Variants in DPP6 observed in about 807,000 individuals in gnomAD.
DPP6 encodes dipeptidyl peptidase like 6.
Under a neutral mutation model 122.6 loss-of-function variants are expected in DPP6, and 69 were observed. That is an observed-to-expected ratio of 0.56 (90% CI 0.46 to 0.69). DPP6 has a LOEUF of 0.69. Ranked by LOEUF, DPP6 falls within the 30% of genes least tolerant of loss-of-function variation. The pLI, the probability that DPP6 is intolerant of heterozygous loss-of-function variation, is 0.00. For synonymous variants in DPP6, 418 were observed against 433.1 expected, an observed-to-expected ratio of 0.97 and a Z score of 0.43; for missense variants, 928 against 1,116.9, an observed-to-expected ratio of 0.83 and a Z score of 2.41.
intron 3 of DPP6, among the ~76,000 whole-genome samples, chr7:154,488,810 TATC>T (rs1283174752): frequency 1.3e-5 from 2 of 152,154 alleles, no homozygotes; most frequent in Admixed American, 6.5e-5. Flanking sequence ...TGGGGTGTGA[TATC>T]ATCCTGGTCT....
intron 6 of DPP6, among the ~76,000 whole-genome samples, chr7:154,648,952 T>A (rs1247492419): frequency 1.3e-5 from 2 of 151,416 alleles, no homozygotes; most frequent in Non-Finnish European, 2.9e-5. Flanking sequence ...TTTAAAGGCA[T>A]CGTTTAGTAA....
chr7:154,257,644 C>A (rs1214649005), intron 1 of DPP6, among the ~76,000 whole-genome samples: 1 of 152,156 alleles, frequency 6.6e-6, no homozygotes, highest in African/African-American at 2.4e-5. Flanking sequence ...TTGCAGTGAG[C>A]CAAGATGGCG....
Position 154,547,863 on chromosome 7 carries a change from T to C in DPP6, c.552+7237T>C, listed in dbSNP as rs1473499434. ...CAAGATAGAACAGAAAACAAGTATA[T>C]TTTACTTACTTTTATTCTAACTTTT... On this transcript the variant is annotated intron_variant, in intron 4 of 25. Transcript: ENST00000377770. 3.3e-5 allele frequency among the ~76,000 whole-genome samples: 5 copies of C among 152,276 alleles called. No homozygotes were observed. In the East Asian group the frequency reaches 7.7e-4, roughly 24 times the overall value.
chr7:153,976,213 G>A (rs1035136842), intron 1 of DPP6, among the ~76,000 whole-genome samples: 7 of 152,082 alleles, frequency 4.6e-5, no homozygotes, highest in African/African-American at 1.7e-4. Flanking sequence ...AAGAAGCCAG[G>A]ATCCCCAGAG....
chr7:154,731,514 G>A (rs1230111271), intron 8 of DPP6, among the ~76,000 whole-genome samples: 3 of 152,156 alleles, frequency 2.0e-5, no homozygotes, highest in African/African-American at 7.2e-5. Flanking sequence ...TGAAGCAGTC[G>A]CCCACATGCC....
At chr7:154,690,552 G>T (rs576007162) in intron 7 of DPP6, among the ~76,000 whole-genome samples, 2 of 152,268 alleles carry the variant, frequency 1.3e-5, no homozygotes, top group Non-Finnish European at 2.9e-5. Context: ...TCCACACAGA[G>T]TGCTCTCAGC....
intron 1 of DPP6, among the ~76,000 whole-genome samples, chr7:154,085,572 T>C (rs1441169530): frequency 2.0e-5 from 3 of 152,180 alleles, no homozygotes; most frequent in African/African-American, 7.2e-5. Context: ...TCTGGAACTG[T>C]GATGTTGTTT....
At chr7:154,801,501 G>A (rs1798364120) in intron 13 of DPP6, 39 bp downstream of exon 13, 1 of 1,533,724 alleles carries the variant, frequency 6.5e-7, no homozygotes. Context: ...CTAGAAACTG[G>A]CCTGCTAGAG....
intron 1 of DPP6, among the ~76,000 whole-genome samples, chr7:154,193,371 T>C (rs1210344507): frequency 1.3e-5 from 2 of 152,218 alleles, no homozygotes; most frequent in Non-Finnish European, 2.9e-5. Context: ...CTTATACTCA[T>C]ATTTTTGAGG....
At chr7:154,051,391 G>GC (rs1282665406), upstream of DPP6, among the ~76,000 whole-genome samples, 1 of 149,682 alleles carries the variant, frequency 6.7e-6, no homozygotes, top group Non-Finnish European at 1.5e-5. Flanking sequence ...CGCGTGCCCA[G>GC]CAACTCCAGA....
chr7:154,580,565 C>T (rs1441619545), intron 5 of DPP6, among the ~76,000 whole-genome samples: 1 of 152,104 alleles, frequency 6.6e-6, no homozygotes, highest in Non-Finnish European at 1.5e-5. Flanking sequence ...AGTCTGCCCC[C>T]GTGAGTCTTC....
chr7:153,990,967 G>A (rs1797148238), intron 1 of DPP6, among the ~76,000 whole-genome samples: 7 of 152,240 alleles, frequency 4.6e-5, no homozygotes, highest in Admixed American at 3.9e-4. Flanking sequence ...CCACAAAAAT[G>A]TGAGGATACA....
chr7:154,141,386 AG>A (rs1212163456), intron 1 of DPP6, among the ~76,000 whole-genome samples: 6 of 152,144 alleles, frequency 3.9e-5, no homozygotes, highest in African/African-American at 1.4e-4. Context: ...GAGGCAGTGA[AG>A]GGGATGCCTT....
intron 16 of DPP6, among the ~76,000 whole-genome samples, chr7:154,831,189 A>G (rs1045129981): frequency 2.6e-5 from 4 of 152,180 alleles, no homozygotes; most frequent in Admixed American, 2.6e-4. Context: ...CCAATCCACG[A>G]CCAGTCGTCC....
rs1046875393 is a variant in DPP6 at position 153,935,249 on chromosome 7, G to T, written c.51+47515G>T. On this transcript the variant is annotated intron_variant, in intron 1 of 25. Transcript: ENST00000404039. ...CAGTGTCCCGTGCATGCCAGAGAAG[G>T]GGGGGGACGTGCCCGGTAGGAGGGG... Among the ~76,000 whole-genome samples, 4 of 151,980 alleles carry T rather than the reference G, an allele frequency of 2.6e-5. No individual in the cohort carries two copies. The East Asian group carries it at 7.8e-4, about 30-fold the overall frequency.
chr7:154,887,343 T>C (rs1418495290), intron 22 of DPP6, among the ~76,000 whole-genome samples: 3 of 152,230 alleles, frequency 2.0e-5, no homozygotes, highest in Non-Finnish European at 4.4e-5. Flanking sequence ...ACCCATGCCC[T>C]TCCTAAGTGT....
intron 3 of DPP6, among the ~76,000 whole-genome samples, chr7:154,523,316 C>T (rs1827149187): frequency 6.6e-6 from 1 of 152,120 alleles, no homozygotes; most frequent in African/African-American, 2.4e-5. Flanking sequence ...AGTACAAATG[C>T]CAATTAATTT....
At chr7:154,404,903 A>G (rs1197488507) in intron 1 of DPP6, among the ~76,000 whole-genome samples, 1 of 152,230 alleles carries the variant, frequency 6.6e-6, no homozygotes, top group East Asian at 1.9e-4. Flanking sequence ...TATGTTTATG[A>G]TAGCAATTTT....
At chr7:154,456,606 T>G (rs191062781) in intron 2 of DPP6, among the ~76,000 whole-genome samples, 246 of 152,208 alleles carry the variant, frequency 1.6e-3, no homozygotes, top group Non-Finnish European at 3.1e-3. Context: ...AATCCTTGGA[T>G]CCTGTTAATG....
Sources: allele counts gnomAD v4.1 joint callset (sites outside exome capture counted in the v4.1 genomes callset), GRCh38; gene constraint gnomAD v4.1.1; transcripts MANE v1.5; gene names NCBI Gene and HGNC (gene_info 2026-07-23, HGNC 2026-07-21).